The following PPP1CB variants were observed in gnomAD, a reference collection of about 807,000 sequenced individuals.
PPP1CB encodes the protein protein phosphatase 1 catalytic subunit beta.
A neutral mutation model predicts 43.7 loss-of-function variants in PPP1CB; 2 were observed. The ratio of observed to expected loss-of-function variants is 0.05; its 90% CI spans 0.02 to 0.14. The LOEUF (loss-of-function observed/expected upper bound fraction) is 0.14, where lower values mean the gene tolerates loss of function less well. Among genes scored for constraint, PPP1CB ranks in the 10% least tolerant of loss-of-function variants. PPP1CB has a pLI of 1.00. For missense variants in PPP1CB, 84 were observed against 398.0 expected (o/e 0.21, Z 6.71); for synonymous variants, 136 against 135.6 (o/e 1.00, Z -0.02).
chr2:28,762,805 T>C (rs1333619177), intron 1 of PPP1CB, among the ~76,000 whole-genome samples: 2 of 152,244 alleles, frequency 1.3e-5, no homozygotes, highest in Non-Finnish European at 2.9e-5. Flanking sequence ...AACAGCTTAT[T>C]ATCTAATACA....
intron 1 of PPP1CB, among the ~76,000 whole-genome samples, chr2:28,771,117 GATC>G (rs1352712493): frequency 5.2e-5 from 7 of 134,306 alleles, no homozygotes; most frequent in Non-Finnish European, 1.1e-4. Context: ...GCAGTGGCAC[GATC>G]GTGGCTCACT....
intron 1 of PPP1CB, among the ~76,000 whole-genome samples, chr2:28,752,949 A>C (rs976228774): frequency 6.6e-6 from 1 of 152,202 alleles, no homozygotes; most frequent in African/African-American, 2.4e-5. Context: ...TTGTATTCGA[A>C]AGGTATTTGT....
chr2:28,758,859 G>A (rs192126202), intron 1 of PPP1CB, among the ~76,000 whole-genome samples: 98 of 152,318 alleles, frequency 6.4e-4, no homozygotes, highest in Non-Finnish European at 9.1e-4. Context: ...AGGGAATAGC[G>A]TTTGCTTTTT....
chr2:28,757,920 A>G (rs2148455133), intron 1 of PPP1CB, among the ~76,000 whole-genome samples: 1 of 151,966 alleles, frequency 6.6e-6, no homozygotes, highest in South Asian at 2.1e-4. Flanking sequence ...ACAAAGCCAC[A>G]TTAAGAGTCA....
chr2:28,793,815 G>A (rs1667440437), intron 6 of PPP1CB, 48 bp from the exon 7 acceptor site: 2 of 1,607,238 alleles, frequency 1.2e-6, no homozygotes, highest in Non-Finnish European at 1.7e-6. Context: ...AGATGGTTCA[G>A]AATTACCCAC....
intron 1 of PPP1CB, among the ~76,000 whole-genome samples, chr2:28,769,310 A>C (rs1666850146): frequency 2.0e-5 from 3 of 152,046 alleles, no homozygotes; most frequent in East Asian, 1.9e-4. Flanking sequence ...GATCTTGGCT[A>C]ACTGCAACCT....
intron 1 of PPP1CB, among the ~76,000 whole-genome samples, chr2:28,762,458 A>G (rs982509456): frequency 1.3e-5 from 2 of 152,156 alleles, no homozygotes; most frequent in Non-Finnish European, 2.9e-5. Flanking sequence ...GTTTTGTTTC[A>G]GTCTTTTGAT....
intron 1 of PPP1CB, among the ~76,000 whole-genome samples, chr2:28,756,713 C>T (rs1184131369): frequency 6.6e-6 from 1 of 152,144 alleles, no homozygotes; most frequent in Non-Finnish European, 1.5e-5. Context: ...GTCTTGAACC[C>T]TTGTGCTCAA....
chr2:28,780,350 C>G (rs2148051135), intron 3 of PPP1CB, among the ~76,000 whole-genome samples: 1 of 152,280 alleles, frequency 6.6e-6, no homozygotes, highest in South Asian at 2.1e-4. Context: ...CTCGGCCTCC[C>G]AGAGTGCTGG....
chr2:28,779,859 C>T (rs1173212434), intron 3 of PPP1CB, among the ~76,000 whole-genome samples: 2 of 152,108 alleles, frequency 1.3e-5, no homozygotes, highest in Non-Finnish European at 2.9e-5. Flanking sequence ...ATTGTGAACA[C>T]AGTGCGTGAA....
intron 6 of PPP1CB, among the ~76,000 whole-genome samples, chr2:28,792,109 G>A (rs375410914): frequency 6.6e-6 from 1 of 152,158 alleles, no homozygotes; most frequent in South Asian, 2.1e-4. Flanking sequence ...GGGAGGCTGA[G>A]GCGAGTGGAT....
intron 7 of PPP1CB, among the ~76,000 whole-genome samples, chr2:28,798,987 ATAGAGT>A (rs993184279): frequency 6.6e-6 from 1 of 152,014 alleles, no homozygotes; most frequent in Non-Finnish European, 1.5e-5. Context: ...TGGATAGTTG[ATAGAGT>A]TAGTGTACTT....
At chr2:28,784,946 C>G (rs1300672703) in intron 5 of PPP1CB, among the ~76,000 whole-genome samples, 1 of 127,974 alleles carries the variant, frequency 7.8e-6, no homozygotes, top group Non-Finnish European at 1.7e-5. Context: ...AAAAAAGAAA[C>G]AACAATCACC....
chr2:28,772,859 T>G (rs1666943746), intron 1 of PPP1CB, among the ~76,000 whole-genome samples: 1 of 152,220 alleles, frequency 6.6e-6, no homozygotes, highest in South Asian at 2.1e-4. Context: ...TGGAGCATTT[T>G]GGATTTCAGA....
At chr2:28,764,095 G>A (rs1269177578) in intron 1 of PPP1CB, among the ~76,000 whole-genome samples, 1 of 152,020 alleles carries the variant, frequency 6.6e-6, no homozygotes, top group African/African-American at 2.4e-5. Context: ...TGTGTTGTGT[G>A]CATAGAGAAA....
At chr2:28,774,494 C>T (rs963068329) in intron 1 of PPP1CB, among the ~76,000 whole-genome samples, 1 of 152,070 alleles carries the variant, frequency 6.6e-6, no homozygotes. Flanking sequence ...GGTGCGATCT[C>T]GGCTCACTGC....
intron 2 of PPP1CB, among the ~76,000 whole-genome samples, chr2:28,777,544 C>T (rs898824086): frequency 3.3e-5 from 5 of 152,198 alleles, no homozygotes; most frequent in African/African-American, 1.2e-4. Flanking sequence ...GATTATACTA[C>T]TTTATACCTT....
At chr2:28,783,237 AT>A (rs1416259316) in intron 4 of PPP1CB, among the ~76,000 whole-genome samples, 1 of 152,188 alleles carries the variant, frequency 6.6e-6, no homozygotes, top group Non-Finnish European at 1.5e-5. Context: ...AATGTTTAAG[AT>A]TAGTGGTAAG....
intron 1 of PPP1CB, among the ~76,000 whole-genome samples, chr2:28,766,750 C>T (rs971718526): frequency 6.6e-6 from 1 of 152,176 alleles, no homozygotes; most frequent in Non-Finnish European, 1.5e-5. Context: ...CTCAACTCTT[C>T]AAGCACCGTT....
Sources: gnomAD v4.1 joint callset for allele counts (sites outside exome capture counted in the v4.1 genomes callset) on GRCh38, gnomAD v4.1.1 for gene constraint, MANE v1.5 for transcripts, NCBI Gene and HGNC (gene_info 2026-07-23, HGNC 2026-07-21) for gene names.